DCAF12: variants seen among roughly 807,000 people sequenced by gnomAD.
DCAF12 encodes DDB1- and CUL4-associated factor 12.
A neutral mutation model predicts 52.8 loss-of-function variants in DCAF12; 28 were observed. The observed-to-expected ratio is 0.53, with a 90% CI of 0.39 to 0.73. The LOEUF (loss-of-function observed/expected upper bound fraction) is 0.73, where lower values mean the gene tolerates loss of function less well. Ranked by LOEUF, DCAF12 falls within the 30% of genes least tolerant of loss-of-function variation. The pLI, the probability that DCAF12 is intolerant of heterozygous loss-of-function variation, is 0.00. For missense variants in DCAF12, 425 were observed against 552.2 expected, an observed-to-expected ratio of 0.77 and a Z score of 2.31; for synonymous variants, 196 against 215.5, an observed-to-expected ratio of 0.91 and a Z score of 0.79.
At chr9:34,117,256 A>AT (rs201282914) in intron 2 of DCAF12, among the ~76,000 whole-genome samples, 30,610 of 139,884 alleles carry the variant, frequency 0.22, 3,496 homozygotes, top group East Asian at 0.36. Context: ...CTAATCCTTG[A>AT]TTTTTTTTTT....
chr9:34,090,390 G>C (rs1296193581), intron 7 of DCAF12, among the ~76,000 whole-genome samples: 2 of 151,978 alleles, frequency 1.3e-5, no homozygotes, highest in Non-Finnish European at 2.9e-5. Context: ...CTAGTATTAG[G>C]TGTTTTGAGA....
Position 34,098,257 on chromosome 9 carries a change from A to G in DCAF12, c.795+67T>C. 3.3e-6 allele frequency: 5 copies of G among 1,515,350 alleles called. 1 individual carries two copies. In the South Asian group the frequency reaches 6.2e-5, roughly 19 times the overall value. The allele number at this position is 1,515,350 out of a possible 1,614,324, so 93.9% of individuals were successfully genotyped here. On this transcript the variant is annotated intron_variant, in intron 5 of 8. Coordinates refer to ENST00000361264, the MANE Select transcript of DCAF12 (RefSeq NM_015397.4). The stretch of plus-strand genomic sequence containing the variant: ...TAGCAAGCACTGATGGGGAAGGAAA[A>G]AGGAGTGCATATCCCAAGACATAAG...
At chr9:34,120,542 G>A (rs1021085151) in intron 2 of DCAF12, among the ~76,000 whole-genome samples, 5 of 151,594 alleles carry the variant, frequency 3.3e-5, no homozygotes, top group East Asian at 2.0e-4. Context: ...ATGGTAGCAC[G>A]CGCCTGTAGT....
intron 7 of DCAF12, among the ~76,000 whole-genome samples, chr9:34,091,415 G>A (rs766507843): frequency 1.1e-4 from 17 of 151,924 alleles, no homozygotes; most frequent in Non-Finnish European, 1.6e-4. Context: ...GGGAGGCTGA[G>A]GTGGGTGTCC....
At chr9:34,117,532 T>C (rs985210033) in intron 2 of DCAF12, among the ~76,000 whole-genome samples, 7 of 152,164 alleles carry the variant, frequency 4.6e-5, no homozygotes, top group Non-Finnish European at 1.0e-4. Context: ...TGATTTTACC[T>C]AGTACCCACC....
chr9:34,105,990 C>T (rs1336183944), intron 4 of DCAF12, among the ~76,000 whole-genome samples: 14 of 152,200 alleles, frequency 9.2e-5, no homozygotes, highest in Admixed American at 8.5e-4. Context: ...CCTCATAATC[C>T]ACCCACCTCG....
At chr9:34,111,704 C>G (rs543738744) in intron 2 of DCAF12, among the ~76,000 whole-genome samples, 126 of 152,258 alleles carry the variant, frequency 8.3e-4, no homozygotes, top group African/African-American at 3.0e-3. Context: ...AGTTTCAGGA[C>G]AATCAGTCCA....
At chr9:34,092,094 T>TA (rs1297752968) in intron 7 of DCAF12, among the ~76,000 whole-genome samples, 4 of 152,242 alleles carry the variant, frequency 2.6e-5, no homozygotes, top group African/African-American at 9.6e-5. Context: ...GAATATGTTA[T>TA]AAAAGATTTG....
rs778936781 is a variant in DCAF12 at position 34,088,305 on chromosome 9, T to C, written c.*45A>G. ...AAAAAATCAAAAGAAACAAGGAAAC[T>C]GAGAATGGAAGTTAGTGTAAATCTC... is the stretch of plus-strand genomic sequence containing the variant. On this transcript the variant is annotated 3_prime_UTR_variant, in exon 9 of 9. Transcript: ENST00000361264. The C allele has an allele frequency of 6.7e-7, 1 of 1,487,602 alleles. No individual in the cohort carries two copies. Among genetic ancestry groups the C allele is most frequent in the East Asian group, 2.4e-5 (1 of 41,196 alleles). The allele number at this position is 1,487,602 out of a possible 1,614,324, so 92.2% of individuals were successfully genotyped here.
intron 7 of DCAF12, among the ~76,000 whole-genome samples, chr9:34,092,694 A>AAAAC (rs1828664291): frequency 6.6e-6 from 1 of 151,396 alleles, no homozygotes; most frequent in African/African-American, 2.4e-5. Context: ...CAAAAAAAAA[A>AAAAC]AACAACAACA....
intron 2 of DCAF12, among the ~76,000 whole-genome samples, chr9:34,120,941 G>C (rs149879408): frequency 6.6e-6 from 1 of 152,164 alleles, no homozygotes; most frequent in East Asian, 1.9e-4. Context: ...ATCACCTGAG[G>C]TCAGGAGTTC....
intron 3 of DCAF12, 22 bp from the exon 4 acceptor site, chr9:34,106,516 G>A (rs762949620): frequency 6.3e-7 from 1 of 1,587,442 alleles, no homozygotes; most frequent in Non-Finnish European, 8.6e-7. Flanking sequence ...GGGAGTAACA[G>A]GTACAGGGAG....
At chr9:34,107,197 T>C (rs902749679) in intron 3 of DCAF12, among the ~76,000 whole-genome samples, 162 bp downstream of exon 3, 2 of 152,188 alleles carry the variant, frequency 1.3e-5, no homozygotes, top group African/African-American at 4.8e-5. Flanking sequence ...CCCAATACTG[T>C]TGGCCCCTGA....
intron 2 of DCAF12, among the ~76,000 whole-genome samples, chr9:34,119,266 G>A (rs942738159): frequency 2.6e-5 from 4 of 152,166 alleles, no homozygotes; most frequent in Admixed American, 1.3e-4. Context: ...TTTAAAAGAT[G>A]AGTGTTTATT....
chr9:34,121,585 T>C, intron 2 of DCAF12, among the ~76,000 whole-genome samples: 1 of 152,134 alleles, frequency 6.6e-6, no homozygotes, highest in Non-Finnish European at 1.5e-5. Flanking sequence ...TCCAACTGTG[T>C]AGATCATCAC....
chr9:34,110,623 G>A (rs887117970), intron 2 of DCAF12, among the ~76,000 whole-genome samples: 12 of 152,136 alleles, frequency 7.9e-5, no homozygotes, highest in African/African-American at 2.9e-4. Context: ...CCAGACTTTG[G>A]AAGGCCGAGA....
At chr9:34,095,742 C>A (rs1373153522) in intron 6 of DCAF12, 1 of 152,052 alleles carries the variant, frequency 6.6e-6, no homozygotes, top group Non-Finnish European at 1.5e-5. Flanking sequence ...TAAATTAAGT[C>A]TATTTTCTCA....
intron 2 of DCAF12, among the ~76,000 whole-genome samples, chr9:34,115,982 G>A (rs1225010096): frequency 2.0e-5 from 3 of 152,132 alleles, no homozygotes; most frequent in Admixed American, 2.0e-4. Context: ...CAAATTTTTA[G>A]TAATACAAAA....
In DCAF12 at chr9:34,088,304, C is replaced by A; in HGVS notation, c.*46G>T. ...AAAAAAATCAAAAGAAACAAGGAAA[C>A]TGAGAATGGAAGTTAGTGTAAATCT... On this transcript the variant is annotated 3_prime_UTR_variant, in exon 9 of 9. Coordinates refer to ENST00000361264, the MANE Select transcript of DCAF12 (RefSeq NM_015397.4). 6.7e-7 allele frequency: 1 copy of A among 1,486,058 alleles called. No individual in the cohort carries two copies. Among genetic ancestry groups the A allele is most frequent in the South Asian group, 1.4e-5 (1 of 69,604 alleles). The allele number at this position is 1,486,058 out of a possible 1,614,324, so 92.1% of individuals were successfully genotyped here. A position where few individuals can be genotyped will look rare whatever the true frequency, so the allele number is the denominator to read the frequency against.
Sources: allele counts gnomAD v4.1 joint callset (sites outside exome capture counted in the v4.1 genomes callset), GRCh38; gene constraint gnomAD v4.1.1; transcripts MANE v1.5; gene names NCBI Gene and HGNC (gene_info 2026-07-23, HGNC 2026-07-21).